Variants in PTPN14 observed in about 807,000 individuals in gnomAD.
PTPN14 encodes the protein tyrosine-protein phosphatase non-receptor type 14.
In PTPN14, 53 loss-of-function variants were observed where a neutral mutation model predicts 126.8. The ratio of observed to expected loss-of-function variants is 0.42; its 90% CI spans 0.34 to 0.53. The LOEUF (loss-of-function observed/expected upper bound fraction) is 0.53, where lower values mean the gene tolerates loss of function less well. Ranked by LOEUF, PTPN14 falls within the 20% of genes least tolerant of loss-of-function variation. PTPN14 has a pLI of 0.08. For synonymous variants in PTPN14, 630 were observed against 599.3 expected (o/e 1.05, Z -0.75); for missense variants, 1,257 against 1,552.9 (o/e 0.81, Z 3.20).
Position 214,383,150 on chromosome 1 carries a change from G to A in PTPN14, c.2544+161C>T, listed in dbSNP as rs1658512365. 1.3e-5 allele frequency among the ~76,000 whole-genome samples: 2 copies of A among 152,188 alleles called. No individual in the cohort carries two copies. The highest frequency in any genetic ancestry group is 2.1e-4 in the South Asian group (1 of 4,834). On this transcript the variant is annotated intron_variant, in intron 13 of 18. Transcript: ENST00000366956. The surrounding 1 kb of genome is among the most constrained non-coding windows in gnomAD (Gnocchi z 4.4). ...ATGAGAATGGAAGATTTATCTGAAAGGGCAAAAACTCAACATTTTGTGTAA... is the reference window on the plus strand; with the variant it reads ...ATGAGAATGGAAGATTTATCTGAAAAGGCAAAAACTCAACATTTTGTGTAA...
rs546598692 is a variant in PTPN14, at chr1:214,484,926, G to C, written c.-154-19969C>G. On this transcript the variant is annotated intron_variant, in intron 1 of 18. Coordinates refer to ENST00000366956, the MANE Select transcript of PTPN14 (RefSeq NM_005401.5). ...TTTGTTTCACAAAGCAGTTGGAGGT[G>C]TGTGGGAAGACTTAGATGTTCAAGG... is the stretch of plus-strand genomic sequence containing the variant. 2.6e-3 allele frequency among the ~76,000 whole-genome samples: 392 copies of C among 152,332 alleles called. 4 individuals are homozygous for C. The highest frequency in any genetic ancestry group is 8.8e-3 in the African/African-American group (367 of 41,574).
At position 214,376,563 on chromosome 1, in the gene PTPN14, G is replaced by A; in HGVS notation, c.2689-126C>T. The A allele has an allele frequency of 3.8e-6, 3 of 789,604 alleles. No individual in the cohort carries two copies. The South Asian group carries it at 5.3e-5, about 14-fold the overall frequency. 48.9% of individuals were successfully genotyped at this position (789,604 alleles called of 1,614,324 possible). A position where few individuals can be genotyped will look rare whatever the true frequency, so the allele number is the denominator to read the frequency against. ...ATTTCAAGTTCTACAATCAATGCTT[G>A]GTTTGTCTCATTATCAACCATATTG... is the stretch of plus-strand genomic sequence containing the variant. On this transcript the variant is annotated intron_variant, in intron 14 of 18. Coordinates refer to ENST00000366956, the MANE Select transcript of PTPN14 (RefSeq NM_005401.5).
chr1:214,362,686 G>A (rs1220379768), intron 18 of PTPN14, among the ~76,000 whole-genome samples: 2 of 152,236 alleles, frequency 1.3e-5, no homozygotes, highest in Non-Finnish European at 2.9e-5. Flanking sequence ...TTGAAAAGGG[G>A]AAGTAGGGAG....
intron 1 of PTPN14, among the ~76,000 whole-genome samples, chr1:214,527,187 C>T (rs996740605): frequency 8.6e-5 from 13 of 151,922 alleles, no homozygotes; most frequent in African/African-American, 3.1e-4. Context: ...CAGAGGAAAG[C>T]TCCGGTCAAG....
At chr1:214,399,099 A>G (rs962265572) in intron 7 of PTPN14, among the ~76,000 whole-genome samples, 3 of 152,242 alleles carry the variant, frequency 2.0e-5, no homozygotes, top group South Asian at 2.1e-4. Context: ...TCTAACCACA[A>G]AGAAATATGT....
At chr1:214,432,358 T>C (rs927702734) in intron 3 of PTPN14, among the ~76,000 whole-genome samples, 4 of 152,164 alleles carry the variant, frequency 2.6e-5, no homozygotes, top group African/African-American at 9.7e-5. Flanking sequence ...TAAGACCAAG[T>C]ATTTAAGATT....
chr1:214,448,365 G>C (rs1420430757), intron 3 of PTPN14, among the ~76,000 whole-genome samples: 1 of 151,852 alleles, frequency 6.6e-6, no homozygotes, highest in East Asian at 1.9e-4. Flanking sequence ...CGCGTAGCTG[G>C]GACTACAGGT....
At chr1:214,543,333 A>T (rs1368039778) in intron 1 of PTPN14, among the ~76,000 whole-genome samples, 2 of 152,178 alleles carry the variant, frequency 1.3e-5, no homozygotes, top group African/African-American at 4.8e-5. Flanking sequence ...TGAGAGGAAA[A>T]ATTACCATGT....
At chr1:214,502,461 T>G (rs966593271) in intron 1 of PTPN14, among the ~76,000 whole-genome samples, 4 of 152,196 alleles carry the variant, frequency 2.6e-5, no homozygotes, top group African/African-American at 9.6e-5. Context: ...GAAAAACATA[T>G]GCAAATAGTG....
At chr1:214,447,421 C>T (rs570873275) in intron 3 of PTPN14, among the ~76,000 whole-genome samples, 49 of 152,242 alleles carry the variant, frequency 3.2e-4, no homozygotes, top group African/African-American at 1.1e-3. Context: ...TCTGTCCAAA[C>T]CAGATCTCCT....
At chr1:214,520,469 AAG>A in intron 1 of PTPN14, among the ~76,000 whole-genome samples, 1 of 152,218 alleles carries the variant, frequency 6.6e-6, no homozygotes, top group East Asian at 1.9e-4. Context: ...GTTACACAAA[AAG>A]AATGAAGAAT....
At chr1:214,499,995 C>G (rs2102429214) in intron 1 of PTPN14, among the ~76,000 whole-genome samples, 1 of 151,860 alleles carries the variant, frequency 6.6e-6, no homozygotes, top group Non-Finnish European at 1.5e-5. Flanking sequence ...CAGTAACACT[C>G]TTGAAGCAAC....
rs1571944593 is a variant in PTPN14 at position 214,353,352 on chromosome 1, A to C, written c.*4570T>G. 6.6e-6 allele frequency: 1 copy of C among 152,146 alleles called. No individual in the cohort carries two copies. Among genetic ancestry groups the C allele is most frequent in the African/African-American group, 2.4e-5 (1 of 41,428 alleles). 9.4% of individuals were successfully genotyped at this position (152,146 alleles called of 1,614,324 possible). On this transcript the variant is annotated 3_prime_UTR_variant, in exon 19 of 19. Transcript: ENST00000366956. ...CACTTCATTTGTGTGAATTCAATGT[A>C]GTATTCAGCATGTGGCAAATTCAAC...
intron 1 of PTPN14, chr1:214,482,718 CT>C (rs1424068165): frequency 1.5e-6 from 2 of 1,327,742 alleles, no homozygotes; most frequent in African/African-American, 3.0e-5. Context: ...AGTTAAGACT[CT>C]CCTCCTCTAT....
chr1:214,383,500 T>C lies in PTPN14; in HGVS notation c.2355A>G (p.Pro785=). ...MARARVLRHG[P]AKAISMSRTD... ...TCCGAGACATGCTGATGGCCTTGGC[T>C]GGCCCATGCCTCAGCACCCTGGCTC... Residue 785 remains proline (P), a synonymous_variant, in exon 13 of 19, where the codon CCA becomes CCG. Coordinates refer to ENST00000366956, the MANE Select transcript of PTPN14 (RefSeq NM_005401.5). The surrounding 1 kb of genome is among the most constrained non-coding windows in gnomAD (Gnocchi z 4.4). 1 of 1,614,192 alleles carries C rather than the reference T, an allele frequency of 6.2e-7. No individual in the cohort carries two copies. The highest frequency in any genetic ancestry group is 8.5e-7 in the Non-Finnish European group (1 of 1,180,042).
chr1:214,417,364 G>C (rs992278070), intron 3 of PTPN14, among the ~76,000 whole-genome samples: 2 of 151,978 alleles, frequency 1.3e-5, no homozygotes, highest in African/African-American at 4.8e-5. Context: ...TTATCTATTG[G>C]GAACTAACAT....
chr1:214,495,476 C>A (rs975568078), intron 1 of PTPN14, among the ~76,000 whole-genome samples: 2 of 152,072 alleles, frequency 1.3e-5, no homozygotes, highest in African/African-American at 4.8e-5. Flanking sequence ...CTGAAGCAAA[C>A]TAAGTACCAT....
chr1:214,422,319 A>G (rs1571989802), intron 3 of PTPN14, among the ~76,000 whole-genome samples: 1 of 152,224 alleles, frequency 6.6e-6, no homozygotes, highest in East Asian at 1.9e-4. Flanking sequence ...TCAAGGATGA[A>G]TCACAGTCAG....
chr1:214,362,904 A>G (rs1174389484), intron 18 of PTPN14, among the ~76,000 whole-genome samples: 1 of 152,162 alleles, frequency 6.6e-6, no homozygotes, highest in African/African-American at 2.4e-5. Flanking sequence ...GAAGGGAAGG[A>G]AAGGACGATT....
Sources: allele counts gnomAD v4.1 joint callset (sites outside exome capture counted in the v4.1 genomes callset), GRCh38; gene constraint gnomAD v4.1.1; non-coding constraint Gnocchi (gnomAD v3.1); transcripts MANE v1.5; gene names NCBI Gene and HGNC (gene_info 2026-07-23, HGNC 2026-07-21).